TMEM132C: variants seen among roughly 807,000 people sequenced by gnomAD.
TMEM132C encodes transmembrane protein 132C, also known as protein phosphatase 1, regulatory subunit 152.
A neutral mutation model predicts 61.4 loss-of-function variants in TMEM132C; 29 were observed. The ratio of observed to expected loss-of-function variants is 0.47; its 90% CI spans 0.35 to 0.64. TMEM132C has a LOEUF of 0.64. Among genes scored for constraint, TMEM132C ranks in the 30% least tolerant of loss-of-function variants. TMEM132C has a pLI of 0.00. For missense variants in TMEM132C, 1,408 were observed against 1,476.9 expected, an observed-to-expected ratio of 0.95 and a Z score of 0.76; for synonymous variants, 656 against 633.1, an observed-to-expected ratio of 1.04 and a Z score of -0.54.
intron 2 of TMEM132C, among the ~76,000 whole-genome samples, chr12:128,453,963 G>T (rs1271688354): frequency 1.3e-5 from 2 of 152,194 alleles, no homozygotes; most frequent in Non-Finnish European, 2.9e-5. Context: ...GATGTGTGGA[G>T]ACCACAGGTC....
At chr12:128,359,767 C>T (rs1450891254) in intron 1 of TMEM132C, among the ~76,000 whole-genome samples, 2 of 152,090 alleles carry the variant, frequency 1.3e-5, no homozygotes, top group Non-Finnish European at 1.5e-5. Context: ...TGTGTCTTTT[C>T]TTGGGGGATC....
At chr12:128,583,392 C>CAAAAAA (rs11327866) in intron 3 of TMEM132C, among the ~76,000 whole-genome samples, 1 of 130,248 alleles carries the variant, frequency 7.7e-6, no homozygotes, top group Non-Finnish European at 1.6e-5. Context: ...GAATATTGGT[C>CAAAAAA]AAAAAAAAAA....
At chr12:128,588,064 G>T (rs1244367117) in intron 3 of TMEM132C, among the ~76,000 whole-genome samples, 1 of 152,180 alleles carries the variant, frequency 6.6e-6, no homozygotes, top group African/African-American at 2.4e-5. Flanking sequence ...AGGCACTTTG[G>T]TGTACCCTCA....
chr12:128,572,999 T>G (rs1056471193), intron 3 of TMEM132C, among the ~76,000 whole-genome samples: 3 of 152,262 alleles, frequency 2.0e-5, no homozygotes. Context: ...TTTACATTGT[T>G]GGTGGGACTG....
intron 1 of TMEM132C, among the ~76,000 whole-genome samples, chr12:128,267,814 A>ACCTGCC (rs1170976458): frequency 8.5e-5 from 13 of 152,128 alleles, no homozygotes; most frequent in Admixed American, 2.0e-4. Flanking sequence ...TTCCGTGCGG[A>ACCTGCC]CCTGCCCCAG....
chr12:128,529,137 T>C (rs1203421965), intron 2 of TMEM132C, among the ~76,000 whole-genome samples: 4 of 151,468 alleles, frequency 2.6e-5, no homozygotes, highest in Non-Finnish European at 5.9e-5. Context: ...AAAAATATTT[T>C]ATATTAATAT....
chr12:128,598,462 G>T (rs927260207), intron 3 of TMEM132C, among the ~76,000 whole-genome samples: 5 of 152,028 alleles, frequency 3.3e-5, no homozygotes, highest in Non-Finnish European at 1.5e-5. Context: ...AGAGGAATGA[G>T]TGTGGAAGAC....
chr12:128,548,863 C>G (rs994210559), intron 3 of TMEM132C, among the ~76,000 whole-genome samples: 1 of 152,114 alleles, frequency 6.6e-6, no homozygotes, highest in African/African-American at 2.4e-5. Context: ...TTACATTATA[C>G]TAGGTATGAT....
chr12:128,373,222 TC>T (rs1874082939), intron 1 of TMEM132C, among the ~76,000 whole-genome samples: 1 of 152,134 alleles, frequency 6.6e-6, no homozygotes, highest in East Asian at 1.9e-4. Context: ...AAAAATCATT[TC>T]TACCTCTTCA....
chr12:128,640,099 G>A (rs772671437), intron 4 of TMEM132C, among the ~76,000 whole-genome samples: 3 of 152,202 alleles, frequency 2.0e-5, no homozygotes, highest in Non-Finnish European at 4.4e-5. Flanking sequence ...TCAGGCGTGG[G>A]CTGGGGTTTA....
chr12:128,649,273 G>T (rs555532303), intron 4 of TMEM132C, among the ~76,000 whole-genome samples: 1 of 152,216 alleles, frequency 6.6e-6, no homozygotes, highest in Non-Finnish European at 1.5e-5. Context: ...GTGACTCAGG[G>T]ATCCAACTCA....
At chr12:128,444,415 G>A (rs903648537) in intron 2 of TMEM132C, among the ~76,000 whole-genome samples, 1 of 152,208 alleles carries the variant, frequency 6.6e-6, no homozygotes, top group Non-Finnish European at 1.5e-5. Context: ...TGGAGCAAGG[G>A]TCTGCGTCCA....
At position 128,501,842 on chromosome 12, in the gene TMEM132C, C is replaced by T. The variant is rs77049528; in HGVS notation, c.975-42115C>T. On this transcript the variant is annotated intron_variant, in intron 2 of 8. Coordinates refer to ENST00000435159, the MANE Select transcript of TMEM132C (RefSeq NM_001136103.3). ...TGTGGGTGGAAAGAAACCTGTTAAA[C>T]CTTAGACCATGATTCTCAACCATTG... 7.3e-4 allele frequency among the ~76,000 whole-genome samples: 111 copies of T among 152,270 alleles called. 2 individuals carry two copies. Among genetic ancestry groups the T allele is most frequent in the African/African-American group, 2.6e-3 (107 of 41,562 alleles).
chr12:128,579,545 C>G (rs984556726), intron 3 of TMEM132C, among the ~76,000 whole-genome samples: 1 of 152,102 alleles, frequency 6.6e-6, no homozygotes, highest in Non-Finnish European at 1.5e-5. Flanking sequence ...GTTGGAGCAT[C>G]CCAATGCACA....
intron 2 of TMEM132C, among the ~76,000 whole-genome samples, chr12:128,541,344 G>C (rs34979012): frequency 1.3e-5 from 2 of 152,040 alleles, no homozygotes; most frequent in Non-Finnish European, 2.9e-5. Context: ...GGGCTTTTAG[G>C]AGTCTTTATA....
In TMEM132C at chr12:128,423,861, A is replaced by G. The variant is rs372566003; in HGVS notation, c.974+8241A>G. ...ATCCTGGCTAACATGGTGAAACCCC[A>G]TCTCTACTTAAAAGAAAGAAAGAAA... On this transcript the variant is annotated intron_variant, in intron 2 of 8. Transcript: ENST00000435159. Among the ~76,000 whole-genome samples, 9 of 151,830 alleles carry G rather than the reference A, an allele frequency of 5.9e-5. No individual in the cohort carries two copies. In the East Asian group the frequency reaches 1.2e-3, roughly 20 times the overall value.
chr12:128,701,682 C>G (rs1954804654), intron 8 of TMEM132C, among the ~76,000 whole-genome samples: 1 of 152,136 alleles, frequency 6.6e-6, no homozygotes, highest in Non-Finnish European at 1.5e-5. Context: ...TGTTCACCTG[C>G]CCTTCACAGT....
chr12:128,699,793 C>T (rs1311315731), intron 8 of TMEM132C, among the ~76,000 whole-genome samples: 1 of 152,130 alleles, frequency 6.6e-6, no homozygotes, highest in Non-Finnish European at 1.5e-5. Flanking sequence ...GTGGGCCATT[C>T]CAGGAATTCT....
intron 2 of TMEM132C, among the ~76,000 whole-genome samples, chr12:128,526,054 C>A (rs566630193): frequency 6.6e-6 from 1 of 152,288 alleles, no homozygotes; most frequent in Admixed American, 6.5e-5. Context: ...TTTCAGAAAC[C>A]AAGTTCAGGG....
Sources: allele counts gnomAD v4.1 joint callset (sites outside exome capture counted in the v4.1 genomes callset), GRCh38; gene constraint gnomAD v4.1.1; transcripts MANE v1.5; gene names NCBI Gene and HGNC (gene_info 2026-07-23, HGNC 2026-07-21).